Variants in GRIK3 observed in about 807,000 individuals in gnomAD.
GRIK3 encodes glutamate ionotropic receptor kainate type subunit 3, also known as glutamate receptor ionotropic, kainate 3.
A neutral mutation model predicts 102.5 loss-of-function variants in GRIK3; 29 were observed. That is an observed-to-expected ratio of 0.28 (90% confidence interval 0.21 to 0.39). GRIK3 has a LOEUF of 0.39. Ranked by LOEUF, GRIK3 falls within the 10% of genes least tolerant of loss-of-function variation. GRIK3 has a pLI of 1.00. For missense variants in GRIK3, 908 were observed against 1,252.4 expected (o/e 0.73, Z 4.15); for synonymous variants, 511 against 504.9 (o/e 1.01, Z -0.16).
intron 1 of GRIK3, among the ~76,000 whole-genome samples, chr1:36,956,882 T>A (rs1294961600): frequency 6.6e-6 from 1 of 152,266 alleles, no homozygotes; most frequent in African/African-American, 2.4e-5. Context: ...TGTCCTCTGT[T>A]TTACAGAGAG....
At chr1:36,881,580 T>A (rs1185295787) in intron 2 of GRIK3, among the ~76,000 whole-genome samples, 2 of 152,098 alleles carry the variant, frequency 1.3e-5, no homozygotes, top group Non-Finnish European at 2.9e-5. Flanking sequence ...ACCTGACCAC[T>A]TCCCGCCACT....
chr1:36,968,318 C>T lies in GRIK3; in HGVS notation c.115+65676G>A, dbSNP rs919723638. On this transcript the variant is annotated intron_variant, in intron 1 of 15. Coordinates refer to ENST00000373091, the MANE Select transcript of GRIK3 (RefSeq NM_000831.4). ...CCCTCCATAGATTTATTTTTGTCTC[C>T]GCCCTTCCTGTCTTTTCCTCTCCCC... 5.0e-4 allele frequency among the ~76,000 whole-genome samples: 75 copies of T among 151,206 alleles called. 2 individuals carry two copies. The highest frequency in any genetic ancestry group is 1.9e-4 in the East Asian group (1 of 5,140).
intron 3 of GRIK3, among the ~76,000 whole-genome samples, chr1:36,876,259 A>T (rs1640911426): frequency 1.3e-5 from 2 of 152,274 alleles, no homozygotes; most frequent in Middle Eastern, 3.4e-3. Flanking sequence ...TGGGAGGCTG[A>T]GGTGGGAGGA....
chr1:36,859,073 G>A (rs764611542), intron 7 of GRIK3, 35 bp downstream of exon 7: 4 of 1,553,440 alleles, frequency 2.6e-6, no homozygotes, highest in Non-Finnish European at 3.5e-6. Context: ...ACAGTCCCGG[G>A]GAGACAACAC....
At chr1:36,821,233 A>C (rs776033899) in intron 11 of GRIK3, among the ~76,000 whole-genome samples, 1 of 152,242 alleles carries the variant, frequency 6.6e-6, no homozygotes, top group Non-Finnish European at 1.5e-5. Context: ...TTCTAAAGAA[A>C]GGTTTCAAAC....
chr1:36,992,562 C>A (rs962019817), intron 1 of GRIK3, among the ~76,000 whole-genome samples: 1 of 152,024 alleles, frequency 6.6e-6, no homozygotes, highest in Non-Finnish European at 1.5e-5. Flanking sequence ...AAGGGGAAGG[C>A]AAAGAGGGAT....
Position 36,806,370 on chromosome 1 carries a change from G to A in GRIK3, c.2092-44C>T, listed in dbSNP as rs1412665398. The A allele has an allele frequency of 4.6e-6, 6 of 1,303,832 alleles. No individual in the cohort carries two copies. Among genetic ancestry groups the A allele is most frequent in the Non-Finnish European group, 5.5e-6 (5 of 913,110 alleles). The allele number at this position is 1,303,832 out of a possible 1,614,324, so 80.8% of individuals were successfully genotyped here. On this transcript the variant is annotated intron_variant, in intron 13 of 15. Transcript: ENST00000373091. The surrounding 1 kb of genome is among the most constrained non-coding windows in gnomAD (Gnocchi z 4.0). ...GGTGATGCACACACCGTTACTAGGC[G>A]CACCAGGGACCAAGCACCGCATACC... is the stretch of plus-strand genomic sequence containing the variant.
intron 1 of GRIK3, among the ~76,000 whole-genome samples, chr1:36,924,337 A>C (rs1641504399): frequency 6.6e-6 from 1 of 152,180 alleles, no homozygotes; most frequent in African/African-American, 2.4e-5. Flanking sequence ...CAACTGGACG[A>C]AAGCAGGGCC....
chr1:36,855,643 C>A (rs148647109), intron 7 of GRIK3, among the ~76,000 whole-genome samples: 1 of 152,186 alleles, frequency 6.6e-6, no homozygotes, highest in East Asian at 1.9e-4. Flanking sequence ...GCATATAGAG[C>A]GCTGAGCACA....
At chr1:36,951,896 G>A in intron 1 of GRIK3, among the ~76,000 whole-genome samples, 1 of 152,182 alleles carries the variant, frequency 6.6e-6, no homozygotes, top group South Asian at 2.1e-4. Context: ...GCAGGTAGAG[G>A]GCAGCTGCCC....
intron 1 of GRIK3, among the ~76,000 whole-genome samples, chr1:36,994,993 T>C (rs1642404954): frequency 6.6e-6 from 1 of 152,082 alleles, no homozygotes; most frequent in South Asian, 2.1e-4. Flanking sequence ...AGCTCACACA[T>C]GAGACGGACA....
chr1:36,976,521 C>T (rs1642198080), intron 1 of GRIK3, among the ~76,000 whole-genome samples: 1 of 152,106 alleles, frequency 6.6e-6, no homozygotes. Flanking sequence ...TGGACCTTGG[C>T]AGACAAGAAT....
chr1:37,029,194 C>T (rs532632409), intron 1 of GRIK3, among the ~76,000 whole-genome samples: 1 of 152,362 alleles, frequency 6.6e-6, no homozygotes, highest in East Asian at 1.9e-4. Flanking sequence ...TCCGCATCAG[C>T]TCCGTTTCCA....
At chr1:37,018,233 A>G (rs1013122063) in intron 1 of GRIK3, among the ~76,000 whole-genome samples, 1 of 152,242 alleles carries the variant, frequency 6.6e-6, no homozygotes, top group Non-Finnish European at 1.5e-5. Flanking sequence ...CACGGTGGGC[A>G]AAACAGGCCT....
intron 3 of GRIK3, among the ~76,000 whole-genome samples, chr1:36,873,754 G>A (rs1240044192): frequency 6.6e-6 from 1 of 152,046 alleles, no homozygotes; most frequent in African/African-American, 2.4e-5. Context: ...CAAAGCACAT[G>A]GCCCCAGCCT....
chr1:36,824,757 G>A (rs1440388189), intron 11 of GRIK3, among the ~76,000 whole-genome samples: 1 of 152,182 alleles, frequency 6.6e-6, no homozygotes, highest in African/African-American at 2.4e-5. Context: ...GGCCCCAGCA[G>A]CCACCAACCC....
chr1:37,020,836 C>T (rs1642702768), intron 1 of GRIK3, among the ~76,000 whole-genome samples: 1 of 152,012 alleles, frequency 6.6e-6, no homozygotes, highest in African/African-American at 2.4e-5. Flanking sequence ...ATGCAGATGG[C>T]GCCACCGGCT....
intron 1 of GRIK3, among the ~76,000 whole-genome samples, chr1:37,021,685 GT>G (rs1642716285): frequency 6.6e-6 from 1 of 152,202 alleles, no homozygotes; most frequent in Admixed American, 6.5e-5. Flanking sequence ...TGCTCATGAT[GT>G]GTCATGTTTC....
chr1:36,964,937 G>C (rs1557444167), intron 1 of GRIK3, among the ~76,000 whole-genome samples: 1 of 152,190 alleles, frequency 6.6e-6, no homozygotes, highest in East Asian at 1.9e-4. Context: ...TCCTAGGAAA[G>C]GTTTTGAAAC....
Sources: gnomAD v4.1 joint callset for allele counts (sites outside exome capture counted in the v4.1 genomes callset) on GRCh38, gnomAD v4.1.1 for gene constraint, Gnocchi (gnomAD v3.1) non-coding constraint, MANE v1.5 for transcripts, NCBI Gene and HGNC (gene_info 2026-07-23, HGNC 2026-07-21) for gene names.